Variants in GRSF1 observed in about 807,000 individuals in gnomAD.
GRSF1 encodes the protein G-rich sequence factor 1.
Under a neutral mutation model 51.1 loss-of-function variants are expected in GRSF1, and 50 were observed. The observed-to-expected ratio is 0.98, with a 90% CI of 0.78 to 1.24. The LOEUF (loss-of-function observed/expected upper bound fraction) is 1.24, where lower values mean the gene tolerates loss of function less well. GRSF1 is among the 50% of genes most tolerant of loss of function. The pLI, the probability that GRSF1 is intolerant of heterozygous loss-of-function variation, is 0.00. For synonymous variants in GRSF1, 293 were observed against 253.3 expected, an observed-to-expected ratio of 1.16 and a Z score of -1.49; for missense variants, 700 against 639.7, an observed-to-expected ratio of 1.09 and a Z score of -1.02.
At position 70,825,315 on chromosome 4, in the gene GRSF1, G is replaced by C. The variant is rs776184513; in HGVS notation, c.1374C>G (p.Leu458=). 6.2e-7 allele frequency: 1 copy of C among 1,608,320 alleles called. No homozygotes were observed. Among genetic ancestry groups the C allele is most frequent in the Admixed American group, 1.7e-5 (1 of 59,870 alleles). Residue 458 remains leucine (L), a synonymous_variant, in exon 8 of 10, where the codon CTC becomes CTG. Coordinates refer to ENST00000254799, the MANE Select transcript of GRSF1 (RefSeq NM_002092.4). ...ETHEDAVAAM[L]KDRSHVHHRY... ...ACTTACGAACGTGGGACCGATCCTT[G>C]AGCATCGCTGCAACAGCATCCTCAT...
chr4:70,839,574 G>C lies in GRSF1; in HGVS notation c.254C>G (p.Ser85Cys), dbSNP rs1240167423. 4.9e-6 allele frequency: 7 copies of C among 1,423,440 alleles called. No homozygotes were observed. Among genetic ancestry groups the C allele is most frequent in the Non-Finnish European group, 5.5e-6 (6 of 1,091,516 alleles). The allele number at this position is 1,423,440 out of a possible 1,614,324, so 88.2% of individuals were successfully genotyped here. A position where few individuals can be genotyped will look rare whatever the true frequency, so the allele number is the denominator to read the frequency against. The part of the protein sequence containing the change: ...RLAGPPAVAT[S>C]AAAAAAASYS... ...GGACGCGGCGGCCGCGGCCGCGGCA[G>C]AGGTGGCCACAGCGGGAGGCCCCGC... is the stretch of plus-strand genomic sequence containing the variant. The change falls in exon 1 of 10, where the codon TCT becomes TGT. Residue 85 changes from serine to cysteine, a missense_variant. Physicochemically the swap from Ser to Cys is moderately radical, Grantham distance 112. Coordinates refer to ENST00000254799, the MANE Select transcript of GRSF1 (RefSeq NM_002092.4).
intron 9 of GRSF1, among the ~76,000 whole-genome samples, chr4:70,822,441 G>A (rs370508489): frequency 6.6e-6 from 1 of 151,908 alleles, no homozygotes; most frequent in Non-Finnish European, 1.5e-5. Flanking sequence ...AAATTAGCTG[G>A]ATGTGGTAGA....
At chr4:70,842,327 CA>C (rs1734475934), upstream of GRSF1, among the ~76,000 whole-genome samples, 1 of 152,158 alleles carries the variant, frequency 6.6e-6, no homozygotes, top group Admixed American at 6.5e-5. Flanking sequence ...TAATTTTGTT[CA>C]TCAGTAATCC....
At position 70,824,379 on chromosome 4, in the gene GRSF1, T is replaced by C. The variant is rs1733649755; in HGVS notation, c.1394-11A>G. On this transcript the variant is annotated splice_polypyrimidine_tract_variant and intron_variant, in intron 8 of 9. Coordinates refer to ENST00000254799, the MANE Select transcript of GRSF1 (RefSeq NM_002092.4). ...CAATATACCTATGATCTGAGGATAATGAGAAAGATTAGTTTTAAAAAGTTG... is the reference window on the plus strand; with the variant it reads ...CAATATACCTATGATCTGAGGATAACGAGAAAGATTAGTTTTAAAAAGTTG... 8 of 1,384,146 alleles carry C rather than the reference T, an allele frequency of 5.8e-6. No individual in the cohort carries two copies. In the South Asian group the frequency reaches 7.3e-5, roughly 13 times the overall value. The allele number at this position is 1,384,146 out of a possible 1,614,324, so 85.7% of individuals were successfully genotyped here. A position where few individuals can be genotyped will look rare whatever the true frequency, so the allele number is the denominator to read the frequency against.
chr4:70,826,096 T>G, intron 7 of GRSF1, 28 bp downstream of exon 7: 5 of 1,589,758 alleles, frequency 3.1e-6, no homozygotes, highest in Non-Finnish European at 4.3e-6. Context: ...TCAAATCTAT[T>G]GAGATTGGAT....
intron 6 of GRSF1, among the ~76,000 whole-genome samples, chr4:70,826,750 G>C (rs1469652814): frequency 1.3e-5 from 2 of 151,960 alleles, no homozygotes; most frequent in Non-Finnish European, 2.9e-5. Context: ...CAGGAGGCTG[G>C]GGTGGAAGAA....
At chr4:70,823,446 AT>A in intron 9 of GRSF1, among the ~76,000 whole-genome samples, 1 of 149,886 alleles carries the variant, frequency 6.7e-6, no homozygotes, top group East Asian at 2.0e-4. Flanking sequence ...AAATGAAAAA[AT>A]ATCATAATTA....
intron 5 of GRSF1, among the ~76,000 whole-genome samples, chr4:70,830,351 G>A (rs908199249): frequency 2.0e-5 from 3 of 151,668 alleles, no homozygotes; most frequent in Non-Finnish European, 2.9e-5. Flanking sequence ...AGGATGAGGC[G>A]AGACGATTGC....
rs1462943858 is a variant in GRSF1 at position 70,818,030 on chromosome 4, GT to G, written c.*2856del. 6.6e-6 allele frequency: 1 copy of G among 152,248 alleles called. No homozygotes were observed. Among genetic ancestry groups the G allele is most frequent in the Non-Finnish European group, 1.5e-5 (1 of 68,100 alleles). The allele number at this position is 152,248 out of a possible 1,614,324, so 9.4% of individuals were successfully genotyped here. A position where few individuals can be genotyped will look rare whatever the true frequency, so the allele number is the denominator to read the frequency against. The stretch of plus-strand genomic sequence containing the variant: ...TAGGGGAAACTCTCAGAACAATGGA[GT>G]TTTTTGTATTTTGGTTTTTTTGATT... On this transcript the variant is annotated 3_prime_UTR_variant, in exon 10 of 10. Coordinates refer to ENST00000254799, the MANE Select transcript of GRSF1 (RefSeq NM_002092.4).
At chr4:70,828,717 C>T (rs1733831539) in intron 5 of GRSF1, among the ~76,000 whole-genome samples, 1 of 151,008 alleles carries the variant, frequency 6.6e-6, no homozygotes, top group Non-Finnish European at 1.5e-5. Flanking sequence ...CTACTGCCAC[C>T]TGCCACCACA....
At chr4:70,828,493 C>T (rs537288508) in intron 5 of GRSF1, among the ~76,000 whole-genome samples, 1 of 152,156 alleles carries the variant, frequency 6.6e-6, no homozygotes, top group Admixed American at 6.6e-5. Context: ...CACTAAAAGG[C>T]TGAGAATTCA....
chr4:70,816,312 T>C lies in GRSF1; in HGVS notation c.*4575A>G, dbSNP rs1205329364. The C allele has an allele frequency of 7.3e-6, 1 of 136,712 alleles. No individual in the cohort carries two copies. The highest frequency in any genetic ancestry group is 1.5e-5 in the Non-Finnish European group (1 of 65,832). 8.5% of individuals were successfully genotyped at this position (136,712 alleles called of 1,614,324 possible). Reference sequence around the variant, plus strand: ...TTGCAGTGAGCCAAGACCAGGCCACTGCACTCTAGCCTGGGCGATACAAGA... The same window carrying C: ...TTGCAGTGAGCCAAGACCAGGCCACCGCACTCTAGCCTGGGCGATACAAGA... On this transcript the variant is annotated 3_prime_UTR_variant, in exon 10 of 10. Transcript: ENST00000254799.
rs549399302 is a variant in GRSF1, at chr4:70,817,695, C to G, written c.*3192G>C. On this transcript the variant is annotated 3_prime_UTR_variant, in exon 10 of 10. Transcript: ENST00000254799. ...GGAATTCAAAATAGTCATGTTGGAA[C>G]AGTTTGGCAGTTTCTTCCAAAACTA... 2.0e-5 allele frequency: 3 copies of G among 152,206 alleles called. No individual in the cohort carries two copies. Among genetic ancestry groups the G allele is most frequent in the Middle Eastern group, 3.2e-3 (1 of 316 alleles). The allele number at this position is 152,206 out of a possible 1,614,324, so 9.4% of individuals were successfully genotyped here.
At chr4:70,834,053 G>A (rs1414803589) in intron 2 of GRSF1, among the ~76,000 whole-genome samples, 1 of 152,196 alleles carries the variant, frequency 6.6e-6, no homozygotes, top group Non-Finnish European at 1.5e-5. Flanking sequence ...GAGGTCAGGA[G>A]TTTGAGACCA....
rs757537493 is a variant in GRSF1 at position 70,831,658 on chromosome 4, G to A, written c.831C>T (p.Asp277=). 3 of 1,613,032 alleles carry A rather than the reference G, an allele frequency of 1.9e-6. No homozygotes were observed. The highest frequency in any genetic ancestry group is 2.5e-6 in the Non-Finnish European group (3 of 1,179,460). The change falls in exon 5 of 10, where the codon GAC becomes GAT. Residue 277 remains aspartate, a synonymous_variant. Transcript: ENST00000254799. ...CTCTATAGTCCATCACAAAAGTAAT[G>A]TCAACTATATTCAGTCCTAGGACAC... The part of the protein sequence containing the change: ...VDFFAGLNIV[D]ITFVMDYRGR...
At chr4:70,839,904 G>C, upstream of GRSF1, 2 of 1,343,302 alleles carry the variant, frequency 1.5e-6, no homozygotes, top group South Asian at 1.5e-5. Context: ...ATCCAGGGCC[G>C]GTTGGGGGTG....
rs1162788840 is a variant in GRSF1, at chr4:70,816,802, CT to C, written c.*4084del. ...AAAAGTGAAAAATGTCTACAACTTA[CT>C]TGGACATGCATATAGAAAAAAAGAT... On this transcript the variant is annotated 3_prime_UTR_variant, in exon 10 of 10. Transcript: ENST00000254799. The C allele has an allele frequency of 2.0e-5, 3 of 152,134 alleles. No individual in the cohort carries two copies. Among genetic ancestry groups the C allele is most frequent in the African/African-American group, 7.2e-5 (3 of 41,426 alleles). The allele number at this position is 152,134 out of a possible 1,614,324, so 9.4% of individuals were successfully genotyped here.
intron 1 of GRSF1, 138 bp downstream of exon 1, chr4:70,839,333 C>G: frequency 2.7e-6 from 4 of 1,501,632 alleles, no homozygotes; most frequent in Non-Finnish European, 3.6e-6. Context: ...ACAGGGTGGA[C>G]GGGGGCGGGT....
chr4:70,839,328 G>A (rs1277319985), intron 1 of GRSF1, 143 bp downstream of exon 1: 2 of 1,503,846 alleles, frequency 1.3e-6, no homozygotes, highest in Middle Eastern at 1.7e-4. Flanking sequence ...GGAGCACAGG[G>A]TGGACGGGGG....
Sources: gnomAD v4.1 joint callset for allele counts (sites outside exome capture counted in the v4.1 genomes callset) on GRCh38, gnomAD v4.1.1 for gene constraint, MANE v1.5 for transcripts, NCBI Gene and HGNC (gene_info 2026-07-23, HGNC 2026-07-21) for gene names.